SLCO5A1: variants seen among roughly 807,000 people sequenced by gnomAD.
SLCO5A1 encodes the protein organic anion transporter polypeptide-related protein 4.
SLCO5A1 carries 39 observed loss-of-function variants against 65.1 expected under a neutral mutation model. The observed-to-expected ratio is 0.60, with a 90% CI of 0.46 to 0.78. The LOEUF (loss-of-function observed/expected upper bound fraction) is 0.78. SLCO5A1 is among the 30% of genes least tolerant of loss of function. The probability of loss-of-function intolerance (pLI) is 0.00; values close to 1 mark genes in which losing one functional copy is unlikely to be tolerated. For missense variants in SLCO5A1, 1,029 were observed against 1,069.4 expected, an observed-to-expected ratio of 0.96 and a Z score of 0.53; for synonymous variants, 438 against 415.7, an observed-to-expected ratio of 1.05 and a Z score of -0.65.
At chr8:69,814,579 T>C (rs1291876267) in intron 2 of SLCO5A1, among the ~76,000 whole-genome samples, 1 of 152,172 alleles carries the variant, frequency 6.6e-6, no homozygotes, top group Non-Finnish European at 1.5e-5. Context: ...GTACAGCCAT[T>C]ATGGAAAGCT....
intron 4 of SLCO5A1, among the ~76,000 whole-genome samples, chr8:69,753,884 C>T (rs531259848): frequency 9.3e-5 from 14 of 150,568 alleles, no homozygotes; most frequent in Non-Finnish European, 1.3e-4. Flanking sequence ...TGGCCGTGGG[C>T]GGGCGCCTGT....
In SLCO5A1 at chr8:69,784,863, G is replaced by GAAA. The variant is rs71275014; in HGVS notation, c.908-22989_908-22988insTTT. ...AGAAAGAAAGAAAGAAAGAAAGAAA[G>GAAA]GGAAGGAAGGAGAAAGAAAGAAAGA... On this transcript the variant is annotated intron_variant, in intron 2 of 9. Coordinates refer to ENST00000260126, the MANE Select transcript of SLCO5A1 (RefSeq NM_030958.3). Among the ~76,000 whole-genome samples, 667 of 87,722 alleles carry GAAA rather than the reference G, an allele frequency of 7.6e-3. 10 individuals are homozygous for GAAA. The highest frequency in any genetic ancestry group is 7.8e-3 in the Non-Finnish European group (341 of 43,582). 57.5% of individuals were successfully genotyped at this position (87,722 alleles called of 152,430 possible). A position where few individuals can be genotyped will look rare whatever the true frequency, so the allele number is the denominator to read the frequency against.
At chr8:69,828,505 G>A (rs953162865) in intron 2 of SLCO5A1, among the ~76,000 whole-genome samples, 1 of 152,002 alleles carries the variant, frequency 6.6e-6, no homozygotes, top group African/African-American at 2.4e-5. Flanking sequence ...GGGAGGCTGA[G>A]GCAGGAGAAT....
chr8:69,823,963 T>A (rs1303586503), intron 2 of SLCO5A1, among the ~76,000 whole-genome samples: 4 of 152,084 alleles, frequency 2.6e-5, no homozygotes, highest in Admixed American at 1.3e-4. Flanking sequence ...GAACTCAGGA[T>A]TAAGAAACTC....
chr8:69,722,226 A>C (rs1268449365), intron 5 of SLCO5A1, among the ~76,000 whole-genome samples: 2 of 152,212 alleles, frequency 1.3e-5, no homozygotes, highest in Non-Finnish European at 2.9e-5. Context: ...TGTTAGAGTG[A>C]GCTGACTTCA....
chr8:69,748,590 T>C (rs1817142696), intron 4 of SLCO5A1, among the ~76,000 whole-genome samples: 1 of 152,188 alleles, frequency 6.6e-6, no homozygotes, highest in African/African-American at 2.4e-5. Context: ...GCCATAAGAC[T>C]TTTCCTGGGT....
chr8:69,697,503 G>T (rs1172943462), intron 6 of SLCO5A1, among the ~76,000 whole-genome samples: 1 of 152,124 alleles, frequency 6.6e-6, no homozygotes. Context: ...GATAATTTCA[G>T]ATAATGTTAA....
intron 6 of SLCO5A1, among the ~76,000 whole-genome samples, chr8:69,685,225 T>C (rs189154367): frequency 5.3e-5 from 8 of 152,308 alleles, no homozygotes; most frequent in Admixed American, 3.9e-4. Context: ...GTGCTGAAAA[T>C]CATTTTTAAG....
chr8:69,705,214 G>C lies in SLCO5A1; in HGVS notation c.1439C>G (p.Pro480Arg). The change falls in exon 6 of 10, where the codon CCC becomes CGC. Residue 480 changes from proline (P) to arginine (R), a missense_variant. By Grantham distance (103) the Pro-to-Arg change is moderately radical. This residue lies in a region of SLCO5A1 where 647 missense variants were observed against 647.5 expected (regional missense o/e 1.00). Transcript: ENST00000260126. Reference protein sequence around the residue: ...ASIYTGVIIVPSAGVGIVLGG... With the variant: ...ASIYTGVIIVRSAGVGIVLGG... ...GAGGACAATACCAACACCAGCACTG[G>C]GGACGATAATAACCCCTGGGGAGAA... 3 of 1,614,002 alleles carry C rather than the reference G, an allele frequency of 1.9e-6. No homozygotes were observed. The highest frequency in any genetic ancestry group is 2.5e-6 in the Non-Finnish European group (3 of 1,179,978).
rs1156612887 is a variant in SLCO5A1, at chr8:69,832,460, A to G, written c.214T>C (p.Leu72=). 4 of 1,612,768 alleles carry G rather than the reference A, an allele frequency of 2.5e-6. No homozygotes were observed. The highest frequency in any genetic ancestry group is 1.3e-5 in the African/African-American group (1 of 74,896). Reference sequence around the variant, plus strand: ...GCCAACGGGTTCGGGCCTTGCTTCAACTCCTGGTGGCCCGAAGAATCCACA... The same window carrying G: ...GCCAACGGGTTCGGGCCTTGCTTCAGCTCCTGGTGGCCCGAAGAATCCACA... ...GCVDSSGHQE[L]KQGPNPLAPS... is the part of the protein sequence containing the mutation. The change falls in exon 2 of 10, where the codon TTG becomes CTG. Residue 72 remains leucine, a synonymous_variant. Transcript: ENST00000260126. This position sits in a 1 kb window ranked among gnomAD's most constrained non-coding sequence, Gnocchi z 4.5.
Position 69,806,586 on chromosome 8 carries a change from G to A in SLCO5A1, c.907+25181C>T, listed in dbSNP as rs146854163. The stretch of plus-strand genomic sequence containing the variant: ...CAGAACAGCTGAGTGGCTCAAGACC[G>A]CAGAGGAACACGTGCAGGAGCAAGC... On this transcript the variant is annotated intron_variant, in intron 2 of 9. Transcript: ENST00000260126. Among the ~76,000 whole-genome samples, 320 of 152,268 alleles carry A rather than the reference G, an allele frequency of 2.1e-3. 3 individuals carry two copies. Among genetic ancestry groups the A allele is most frequent in the Admixed American group, 0.018 (274 of 15,300 alleles).
chr8:69,706,119 A>G (rs1814958393), intron 5 of SLCO5A1, among the ~76,000 whole-genome samples: 2 of 152,262 alleles, frequency 1.3e-5, no homozygotes, highest in African/African-American at 4.8e-5. Context: ...AAACATAGCT[A>G]CACACAACTT....
intron 2 of SLCO5A1, among the ~76,000 whole-genome samples, chr8:69,812,807 C>T (rs1244657136): frequency 6.6e-6 from 1 of 152,212 alleles, no homozygotes; most frequent in African/African-American, 2.4e-5. Flanking sequence ...GACATCTTAG[C>T]AGCAAAACCA....
At chr8:69,688,647 T>A (rs1489364961) in intron 6 of SLCO5A1, among the ~76,000 whole-genome samples, 1 of 152,138 alleles carries the variant, frequency 6.6e-6, no homozygotes, top group East Asian at 1.9e-4. Flanking sequence ...TTCATCCATG[T>A]CCCTACAAAG....
intron 5 of SLCO5A1, among the ~76,000 whole-genome samples, chr8:69,726,569 G>A (rs527682900): frequency 6.9e-4 from 103 of 148,542 alleles, no homozygotes; most frequent in Non-Finnish European, 1.1e-3. Flanking sequence ...GTGCGATCTC[G>A]GCTCACTGCA....
At chr8:69,696,196 G>A (rs1814491157) in intron 6 of SLCO5A1, among the ~76,000 whole-genome samples, 1 of 152,302 alleles carries the variant, frequency 6.6e-6, no homozygotes, top group South Asian at 2.1e-4. Flanking sequence ...TTAAAAGCAG[G>A]TAAGACGTGG....
chr8:69,807,860 C>A (rs1054213490), intron 2 of SLCO5A1, among the ~76,000 whole-genome samples: 1 of 152,108 alleles, frequency 6.6e-6, no homozygotes, highest in African/African-American at 2.4e-5. Flanking sequence ...CTCGCCACCA[C>A]GCCCAGGTAA....
chr8:69,730,123 A>G (rs574164756), intron 5 of SLCO5A1, among the ~76,000 whole-genome samples: 196 of 152,350 alleles, frequency 1.3e-3, no homozygotes, highest in African/African-American at 4.6e-3. Context: ...TACAAATGAG[A>G]AACTGAGACT....
chr8:69,834,016 G>GT (rs1455788343), intron 1 of SLCO5A1: 3 of 152,482 alleles, frequency 2.0e-5, no homozygotes, highest in Admixed American at 2.0e-4. Flanking sequence ...ACGCGGGCCG[G>GT]CGGGGAGGTG....
Sources: allele counts gnomAD v4.1 joint callset (sites outside exome capture counted in the v4.1 genomes callset), GRCh38; gene constraint gnomAD v4.1.1; regional missense constraint gnomAD v4.1.1; non-coding constraint Gnocchi (gnomAD v3.1); transcripts MANE v1.5; gene names NCBI Gene and HGNC (gene_info 2026-07-23, HGNC 2026-07-21).